The following TMC5 variants were observed in gnomAD, a reference collection of about 807,000 sequenced individuals.
TMC5 encodes transmembrane channel-like protein 5.
In TMC5, 86 loss-of-function variants were observed where a neutral mutation model predicts 110.5. That is an observed-to-expected ratio of 0.78 (90% CI 0.65 to 0.93). The LOEUF is 0.93. TMC5 is among the 40% of genes least tolerant of loss of function. The pLI is 0.00. For synonymous variants in TMC5, 455 were observed against 439.5 expected (o/e 1.04, Z -0.44); for missense variants, 1,144 against 1,222.8 (o/e 0.94, Z 0.96).
chr16:19,438,435 G>GAAAGAAAGAAAGAAAGAA (rs376582005), intron 2 of TMC5, among the ~76,000 whole-genome samples: 50 of 103,898 alleles, frequency 4.8e-4, no homozygotes, highest in African/African-American at 1.2e-3. Context: ...AAGAAAGAAA[G>GAAAGAAAGAAAGAAAGAA]AGAAAGAAAG....
At chr16:19,487,732 T>G (rs943605711) in intron 17 of TMC5, 7 of 113,836 alleles carry the variant, frequency 6.1e-5, no homozygotes, top group African/African-American at 3.1e-4. Flanking sequence ...AATAAATAAA[T>G]AAATAAATAA....
intron 2 of TMC5, among the ~76,000 whole-genome samples, chr16:19,438,836 G>T (rs911867499): frequency 3.3e-5 from 5 of 152,184 alleles, no homozygotes; most frequent in African/African-American, 1.2e-4. Context: ...CAAACTAGAG[G>T]TAACAGGGTT....
chr16:19,487,231 C>G lies in TMC5; in HGVS notation c.2478C>G (p.Ala826=). 2.5e-6 allele frequency: 4 copies of G among 1,614,056 alleles called. No homozygotes were observed. The highest frequency in any genetic ancestry group is 3.4e-6 in the Non-Finnish European group (4 of 1,179,990). The change falls in exon 17 of 22, where the codon GCC becomes GCG. Residue 826 remains alanine, a synonymous_variant. Transcript: ENST00000542583. The part of the protein sequence containing the change: ...LMMNFQPPSK[A]WRASQMMTFF... ...TGAATTTCCAGCCTCCGAGCAAAGCCTGGCGGGCCTCACAGATGATGACTT... is the reference window on the plus strand; with the variant it reads ...TGAATTTCCAGCCTCCGAGCAAAGCGTGGCGGGCCTCACAGATGATGACTT...
upstream of TMC5, among the ~76,000 whole-genome samples, chr16:19,414,541 A>G (rs1395690283): frequency 6.6e-6 from 1 of 152,116 alleles, no homozygotes; most frequent in Non-Finnish European, 1.5e-5. Flanking sequence ...CGTGCTATTC[A>G]TACTGTGTGC....
In TMC5 at chr16:19,498,265, T is replaced by C; in HGVS notation, c.*299T>C. ...AGAGATAACTAGGGAATAATGTATA[T>C]TATCTTCAAGAAGTGTGTGCAGGAA... On this transcript the variant is annotated 3_prime_UTR_variant, in exon 22 of 22. Coordinates refer to ENST00000542583, the MANE Select transcript of TMC5 (RefSeq NM_001261841.2). 5.1e-6 allele frequency: 2 copies of C among 389,712 alleles called. No homozygotes were observed. Among genetic ancestry groups the C allele is most frequent in the Non-Finnish European group, 9.4e-6 (2 of 212,638 alleles). 24.1% of individuals were successfully genotyped at this position (389,712 alleles called of 1,614,324 possible).
At chr16:19,490,917 C>CTT (rs1567327907) in intron 18 of TMC5, among the ~76,000 whole-genome samples, 2 of 125,762 alleles carry the variant, frequency 1.6e-5, no homozygotes, top group African/African-American at 6.9e-5. Context: ...CTTCCCTTCC[C>CTT]CTTCTTTCTC....
At chr16:19,424,685 A>C (rs918251482) in intron 1 of TMC5, among the ~76,000 whole-genome samples, 2 of 152,186 alleles carry the variant, frequency 1.3e-5, no homozygotes, top group Non-Finnish European at 2.9e-5. Context: ...ACAGGTGAAT[A>C]GCCAGGTAAA....
Position 19,492,222 on chromosome 16 carries a change from CA to C in TMC5, c.2821del (p.Ile941LeufsTer10). On this transcript the variant is annotated frameshift_variant, in exon 19 of 22. Coordinates refer to ENST00000542583, the MANE Select transcript of TMC5 (RefSeq NM_001261841.2). LOFTEE classifies it high-confidence loss of function. ...IMIRLLHEQIINEGKDKMFLI... is the reference protein window; with the variant it reads ...IMIRLLHEQIXNEGKDKMFLI... ...TGATAAGGCTGCTCCATGAGCAGATCATTAATGTAAGTCCCCTTGGATCCCT... is the reference window on the plus strand; with the variant it reads ...TGATAAGGCTGCTCCATGAGCAGATCTTAATGTAAGTCCCCTTGGATCCCT... 1.9e-6 allele frequency: 3 copies of C among 1,611,762 alleles called. No individual in the cohort carries two copies. Among genetic ancestry groups the C allele is most frequent in the Non-Finnish European group, 2.5e-6 (3 of 1,177,966 alleles).
intron 17 of TMC5, among the ~76,000 whole-genome samples, chr16:19,488,797 CT>C (rs1161882581): frequency 6.6e-6 from 1 of 152,020 alleles, no homozygotes; most frequent in Non-Finnish European, 1.5e-5. Flanking sequence ...TTAATTGTTA[CT>C]CAACGATTGT....
Position 19,440,054 on chromosome 16 carries a change from A to G in TMC5, c.16A>G (p.Arg6Gly), listed in dbSNP as rs952039940. The change falls in exon 3 of 22, where the codon AGG becomes GGG. Residue 6 changes from arginine (R) to glycine (G), a missense_variant. Transcript: ENST00000542583. ...CCATACCAACATGTCTGCCTACTAC[A>G]GGAATAACTGGTCTGAGGAAGACCC... MSAYY[R>G]NNWSEEDPDY... 3 of 1,613,426 alleles carry G rather than the reference A, an allele frequency of 1.9e-6. No homozygotes were observed. Among genetic ancestry groups the G allele is most frequent in the Admixed American group, 3.3e-5 (2 of 59,986 alleles).
rs549401664 is a variant in TMC5 at position 19,440,811 on chromosome 16, C to T, written c.773C>T (p.Pro258Leu). 1 of 1,612,832 alleles carries T rather than the reference C, an allele frequency of 6.2e-7. No homozygotes were observed. The highest frequency in any genetic ancestry group is 1.1e-5 in the South Asian group (1 of 91,014). Residue 258 changes from proline (P) to leucine (L), a missense_variant, in exon 3 of 22, where the codon CCA becomes CTA. Physicochemically the swap from Pro to Leu is moderately conservative, Grantham distance 98. Transcript: ENST00000542583. ...CATGATTATGGCTCTTCTGAGACCC[C>T]AAAGATGACCAGGGGGTAAGTTCAG... is the stretch of plus-strand genomic sequence containing the variant. The part of the protein sequence containing the change: ...NGHDYGSSET[P>L]KMTRGVLSRT...
intron 1 of TMC5, among the ~76,000 whole-genome samples, chr16:19,429,616 G>A (rs988526122): frequency 6.6e-6 from 1 of 152,238 alleles, no homozygotes; most frequent in Admixed American, 6.5e-5. Context: ...TCATCCTTGT[G>A]TTGGAGTTGT....
intron 17 of TMC5, among the ~76,000 whole-genome samples, chr16:19,489,272 C>T (rs971453354): frequency 5.9e-5 from 9 of 152,210 alleles, no homozygotes; most frequent in African/African-American, 2.2e-4. Context: ...GTGATTGTCC[C>T]ACCTCAGCCT....
At chr16:19,411,181 G>GT (rs151027661) in intron 1 of TMC5, 1 of 152,272 alleles carries the variant, frequency 6.6e-6, no homozygotes, top group Non-Finnish European at 1.5e-5. Context: ...GATCCGGTAA[G>GT]TTTTTTATCT....
At chr16:19,474,888 C>G (rs564136051) in intron 12 of TMC5, 6 of 152,390 alleles carry the variant, frequency 3.9e-5, no homozygotes, top group Admixed American at 3.9e-4. Context: ...AGTCCTGGTA[C>G]CCACTGCCTC....
chr16:19,422,199 C>T (rs1308120683), intron 1 of TMC5, among the ~76,000 whole-genome samples: 2 of 151,440 alleles, frequency 1.3e-5, no homozygotes, highest in African/African-American at 2.4e-5. Context: ...CCACTATACT[C>T]CAGCCCGGGC....
chr16:19,412,763 G>A (rs765881355), intron 1 of TMC5, among the ~76,000 whole-genome samples: 1 of 152,256 alleles, frequency 6.6e-6, no homozygotes, highest in Non-Finnish European at 1.5e-5. Flanking sequence ...AGTAAATGCT[G>A]TGACCGCCCT....
Position 19,473,989 on chromosome 16 carries a change from A to AAAAT in TMC5, c.1939-126_1939-123dup, listed in dbSNP as rs1968417438. On this transcript the variant is annotated intron_variant, in intron 11 of 21. Coordinates refer to ENST00000542583, the MANE Select transcript of TMC5 (RefSeq NM_001261841.2). ...GGTGAGACTCCATCTCAAAAAAATT[A>AAAAT]AAATAAATAAATAGATAAATAGTTA... 8.6e-6 allele frequency: 7 copies of AAAAT among 812,646 alleles called. No homozygotes were observed. The East Asian group carries it at 2.2e-4, about 26-fold the overall frequency. 50.3% of individuals were successfully genotyped at this position (812,646 alleles called of 1,614,324 possible).
chr16:19,436,874 C>G (rs112733227), intron 2 of TMC5, among the ~76,000 whole-genome samples: 4 of 152,230 alleles, frequency 2.6e-5, no homozygotes, highest in African/African-American at 9.6e-5. Flanking sequence ...CTGGCAGCTT[C>G]AGGTTTAAAA....
Sources: gnomAD v4.1 joint callset for allele counts (sites outside exome capture counted in the v4.1 genomes callset) on GRCh38, gnomAD v4.1.1 for gene constraint, MANE v1.5 for transcripts, NCBI Gene and HGNC (gene_info 2026-07-23, HGNC 2026-07-21) for gene names.